Variants in SFMBT2 observed in about 807,000 individuals in gnomAD.
The protein encoded by SFMBT2 is scm-like with four MBT domains protein 2.
In SFMBT2, 38 loss-of-function variants were observed where a neutral mutation model predicts 110.1. That is an observed-to-expected ratio of 0.35 (90% confidence interval 0.27 to 0.45). SFMBT2 has a LOEUF of 0.45. SFMBT2 is among the 20% of genes least tolerant of loss of function. The probability of loss-of-function intolerance (pLI) is 1.00; values close to 1 mark genes in which losing one functional copy is unlikely to be tolerated. For synonymous variants in SFMBT2, 425 were observed against 425.4 expected (o/e 1.00, Z 0.01); for missense variants, 1,011 against 1,094.9 (o/e 0.92, Z 1.08).
At chr10:7,214,611 A>G in intron 11 of SFMBT2, 1 of 985,530 alleles carries the variant, frequency 1.0e-6, no homozygotes, top group Non-Finnish European at 1.2e-6. Flanking sequence ...TGCAGAAATC[A>G]GAAACTACAC....
At chr10:7,348,354 A>T in intron 4 of SFMBT2, 1 of 1,511,710 alleles carries the variant, frequency 6.6e-7, no homozygotes, top group Non-Finnish European at 8.9e-7. Flanking sequence ...ATAATCACAG[A>T]TGGTTTTAAT....
At chr10:7,245,296 T>C (rs1390997444) in intron 8 of SFMBT2, among the ~76,000 whole-genome samples, 1 of 152,236 alleles carries the variant, frequency 6.6e-6, no homozygotes, top group Admixed American at 6.5e-5. Context: ...ATTGAGCCTA[T>C]GAATGCTCAA....
chr10:7,338,336 CA>C (rs1385187086), intron 4 of SFMBT2, among the ~76,000 whole-genome samples: 8 of 152,248 alleles, frequency 5.3e-5, no homozygotes, highest in African/African-American at 1.9e-4. Context: ...CTGAATCCCC[CA>C]AAAGTCAAAT....
At chr10:7,197,127 G>A (rs533809401) in intron 15 of SFMBT2, among the ~76,000 whole-genome samples, 48 of 151,968 alleles carry the variant, frequency 3.2e-4, no homozygotes, top group Admixed American at 2.6e-3. Context: ...ACCATGACCC[G>A]GCCAAGGAGC....
At chr10:7,278,720 T>C (rs559646299) in intron 6 of SFMBT2, among the ~76,000 whole-genome samples, 7 of 152,080 alleles carry the variant, frequency 4.6e-5, no homozygotes, top group Non-Finnish European at 1.0e-4. Context: ...CTTTGGCCCC[T>C]TGCTTGGGAA....
chr10:7,365,022 A>G (rs1274466437), intron 4 of SFMBT2, among the ~76,000 whole-genome samples: 1 of 152,236 alleles, frequency 6.6e-6, no homozygotes, highest in Non-Finnish European at 1.5e-5. Flanking sequence ...TGGAGGTTTT[A>G]ATTCAAAGGC....
rs1326323388 is a variant in SFMBT2, at chr10:7,160,609, G to C, written c.*3161C>G. 3 of 152,174 alleles carry C rather than the reference G, an allele frequency of 2.0e-5. No individual in the cohort carries two copies. Among genetic ancestry groups the C allele is most frequent in the African/African-American group, 7.2e-5 (3 of 41,420 alleles). The allele number at this position is 152,174 out of a possible 1,614,324, so 9.4% of individuals were successfully genotyped here. ...AAGGAATGCGGGGCATCACTTTTTG[G>C]TGTTTAGACCATGACATTGTTGGCC... On this transcript the variant is annotated 3_prime_UTR_variant, in exon 21 of 21. Transcript: ENST00000397167.
At chr10:7,352,012 ATGAAGTCGCTTTTTTC>A (rs1377411672) in intron 4 of SFMBT2, among the ~76,000 whole-genome samples, 2 of 152,074 alleles carry the variant, frequency 1.3e-5, no homozygotes, top group South Asian at 2.1e-4. Context: ...ATGCAAGCAG[ATGAAGTCGCTTTTTTC>A]TGAAGTCGCT....
At chr10:7,222,860 TG>T (rs1232369754) in intron 10 of SFMBT2, among the ~76,000 whole-genome samples, 1 of 151,984 alleles carries the variant, frequency 6.6e-6, no homozygotes, top group African/African-American at 2.4e-5. Context: ...TTAGTAGAGT[TG>T]GGGTTTCACC....
chr10:7,194,133 A>G (rs1564376409), intron 15 of SFMBT2, among the ~76,000 whole-genome samples: 2 of 152,142 alleles, frequency 1.3e-5, no homozygotes, highest in Non-Finnish European at 2.9e-5. Context: ...CCTCCACGCC[A>G]AGGCCTGCTT....
intron 2 of SFMBT2, among the ~76,000 whole-genome samples, chr10:7,381,542 G>A (rs1001052365): frequency 1.7e-4 from 26 of 152,264 alleles, no homozygotes; most frequent in African/African-American, 6.3e-4. Context: ...ATTTGTAGAC[G>A]TTTCCTGCCC....
rs572835895 is a variant in SFMBT2, at chr10:7,375,785, A to G, written c.101-5410T>C. Among the ~76,000 whole-genome samples, 417 of 151,530 alleles carry G rather than the reference A, an allele frequency of 2.8e-3. 3 individuals carry two copies. The highest frequency in any genetic ancestry group is 3.9e-3 in the Non-Finnish European group (266 of 67,864). Reference sequence around the variant, plus strand: ...CACACACACACACACACACACACACACACACACACACACACAAATCACCTA... The same window carrying G: ...CACACACACACACACACACACACACGCACACACACACACACAAATCACCTA... On this transcript the variant is annotated intron_variant, in intron 2 of 20. Transcript: ENST00000397167.
intron 11 of SFMBT2, chr10:7,207,012 G>C: frequency 1.4e-6 from 1 of 693,108 alleles, no homozygotes; most frequent in South Asian, 6.5e-5. Flanking sequence ...AATTGCTTGA[G>C]CCTAGGAGTT....
At position 7,163,654 on chromosome 10, in the gene SFMBT2, TG is replaced by T; in HGVS notation, c.*115del. The T allele has an allele frequency of 1.1e-6, 1 of 911,716 alleles. No individual in the cohort carries two copies. The highest frequency in any genetic ancestry group is 1.7e-6 in the Non-Finnish European group (1 of 603,232). The allele number at this position is 911,716 out of a possible 1,614,324, so 56.5% of individuals were successfully genotyped here. Reference sequence around the variant, plus strand: ...AGAAGATCCTGGGCTTCTGGTTTTCTGGTGATACTTAGTGGCTGTACCATTT... The same window carrying T: ...AGAAGATCCTGGGCTTCTGGTTTTCTGTGATACTTAGTGGCTGTACCATTT... On this transcript the variant is annotated 3_prime_UTR_variant, in exon 21 of 21. Transcript: ENST00000397167. The surrounding 1 kb of genome is among the most constrained non-coding windows in gnomAD (Gnocchi z 4.8).
chr10:7,215,238 C>T (rs1009520874), intron 11 of SFMBT2, among the ~76,000 whole-genome samples: 1 of 152,094 alleles, frequency 6.6e-6, no homozygotes, highest in Non-Finnish European at 1.5e-5. Flanking sequence ...CGCATCTCTA[C>T]TAAAAATACA....
At chr10:7,277,112 C>T (rs1841806008) in intron 6 of SFMBT2, 123 bp from the exon 7 acceptor site, 2 of 639,834 alleles carry the variant, frequency 3.1e-6, no homozygotes. Flanking sequence ...CGTGAGTGTT[C>T]ACACCCCATA....
chr10:7,316,792 G>C (rs1843026551), intron 4 of SFMBT2, among the ~76,000 whole-genome samples: 1 of 152,110 alleles, frequency 6.6e-6, no homozygotes, highest in Non-Finnish European at 1.5e-5. Context: ...CTCTGAAAAA[G>C]ATCCCCTATT....
chr10:7,405,969 A>G (rs1441601194), intron 1 of SFMBT2, among the ~76,000 whole-genome samples: 1 of 149,510 alleles, frequency 6.7e-6, no homozygotes, highest in African/African-American at 2.5e-5. Flanking sequence ...TTTAATTTGT[A>G]TGATGGGGGC....
At chr10:7,362,188 T>A (rs1844742789) in intron 4 of SFMBT2, among the ~76,000 whole-genome samples, 2 of 152,198 alleles carry the variant, frequency 1.3e-5, no homozygotes. Flanking sequence ...TATGAAAGAT[T>A]AGCCCTGATT....
Sources: allele counts gnomAD v4.1 joint callset (sites outside exome capture counted in the v4.1 genomes callset), GRCh38; gene constraint gnomAD v4.1.1; non-coding constraint Gnocchi (gnomAD v3.1); transcripts MANE v1.5; gene names NCBI Gene and HGNC (gene_info 2026-07-23, HGNC 2026-07-21).